PPHLN1: variants seen among roughly 807,000 people sequenced by gnomAD.
PPHLN1 encodes periphilin-1.
Under a neutral mutation model 51.3 loss-of-function variants are expected in PPHLN1, and 29 were observed. The ratio of observed to expected loss-of-function variants is 0.57; its 90% CI spans 0.42 to 0.77. The LOEUF (loss-of-function observed/expected upper bound fraction) is 0.77. Among genes scored for constraint, PPHLN1 ranks in the 30% least tolerant of loss-of-function variants. PPHLN1 has a pLI of 0.00. For synonymous variants in PPHLN1, 147 were observed against 147.8 expected (o/e 0.99, Z 0.04); for missense variants, 436 against 438.4 (o/e 0.99, Z 0.05).
chr12:42,430,481 T>G (rs1249326070), intron 9 of PPHLN1, among the ~76,000 whole-genome samples: 2 of 152,132 alleles, frequency 1.3e-5, no homozygotes, highest in Admixed American at 1.3e-4. Flanking sequence ...TTACATATAC[T>G]ATATTCTTTT....
chr12:42,433,230 T>G, intron 9 of PPHLN1: 1 of 747,518 alleles, frequency 1.3e-6, no homozygotes, highest in Non-Finnish European at 2.5e-6. Flanking sequence ...TGCTCTTGAA[T>G]ATACCTCTAC....
At chr12:42,361,315 T>A (rs2074654283) in intron 4 of PPHLN1, 1 of 152,196 alleles carries the variant, frequency 6.6e-6, no homozygotes, top group Non-Finnish European at 1.5e-5. Context: ...TCCAGAACTA[T>A]GAGAAATATA....
At chr12:42,412,735 C>G (rs1156880286) in intron 9 of PPHLN1, among the ~76,000 whole-genome samples, 3 of 152,154 alleles carry the variant, frequency 2.0e-5, no homozygotes, top group African/African-American at 7.2e-5. Flanking sequence ...AATTTACATT[C>G]CCACCAGCTG....
intron 7 of PPHLN1, among the ~76,000 whole-genome samples, chr12:42,389,353 C>T (rs1376769489): frequency 6.7e-6 from 1 of 148,704 alleles, no homozygotes; most frequent in Non-Finnish European, 1.5e-5. Context: ...AGCCTGGTAA[C>T]AGAGTGAGAC....
At chr12:42,396,351 A>G (rs904557553) in intron 8 of PPHLN1, among the ~76,000 whole-genome samples, 3 of 152,120 alleles carry the variant, frequency 2.0e-5, no homozygotes, top group African/African-American at 7.2e-5. Flanking sequence ...AATTCACTAA[A>G]TATGCATTGT....
chr12:42,417,156 G>A (rs1467728435), intron 9 of PPHLN1, among the ~76,000 whole-genome samples: 1 of 152,170 alleles, frequency 6.6e-6, no homozygotes, highest in African/African-American at 2.4e-5. Context: ...AAAACTTAGC[G>A]ACCGATTTGT....
intron 2 of PPHLN1, among the ~76,000 whole-genome samples, chr12:42,348,208 T>C (rs1222398688): frequency 1.3e-5 from 2 of 151,662 alleles, no homozygotes; most frequent in African/African-American, 4.9e-5. Flanking sequence ...CCTCCTGGGT[T>C]CAAGCGATTC....
At chr12:42,352,459 G>A (rs1188827791) in intron 3 of PPHLN1, among the ~76,000 whole-genome samples, 1 of 151,032 alleles carries the variant, frequency 6.6e-6, no homozygotes, top group Non-Finnish European at 1.5e-5. Context: ...CCCCAGGTTG[G>A]GGTGCAGTGG....
At chr12:42,388,961 G>A (rs914073466) in intron 7 of PPHLN1, among the ~76,000 whole-genome samples, 10 of 151,916 alleles carry the variant, frequency 6.6e-5, no homozygotes, top group East Asian at 1.9e-4. Context: ...AAAACAGGCC[G>A]GGCATGGTGG....
intron 5 of PPHLN1, among the ~76,000 whole-genome samples, chr12:42,379,600 T>G (rs897377731): frequency 6.6e-6 from 1 of 152,026 alleles, no homozygotes; most frequent in African/African-American, 2.4e-5. Context: ...CACATTTCAT[T>G]ACTGGATTGT....
At chr12:42,416,278 G>A (rs1249570488) in intron 9 of PPHLN1, among the ~76,000 whole-genome samples, 3 of 152,130 alleles carry the variant, frequency 2.0e-5, no homozygotes, top group South Asian at 4.1e-4. Context: ...ATTTACTGTG[G>A]TAAATTAGAA....
chr12:42,361,762 T>G (rs1176783931), intron 4 of PPHLN1: 1 of 152,248 alleles, frequency 6.6e-6, no homozygotes, highest in Non-Finnish European at 1.5e-5. Context: ...TAGAATTAAT[T>G]TAATTCTGGT....
chr12:42,359,315 T>C (rs1222578755), intron 4 of PPHLN1: 1 of 152,242 alleles, frequency 6.6e-6, no homozygotes, highest in East Asian at 1.9e-4. Flanking sequence ...TCTTGTGGTA[T>C]CTAATATGTC....
intron 6 of PPHLN1, among the ~76,000 whole-genome samples, chr12:42,385,564 T>C (rs2077126593): frequency 6.6e-6 from 1 of 152,192 alleles, no homozygotes; most frequent in Non-Finnish European, 1.5e-5. Context: ...CAACAGCTGC[T>C]TGTGACAGGT....
At chr12:42,380,027 T>C (rs1178858720) in intron 5 of PPHLN1, among the ~76,000 whole-genome samples, 1 of 152,066 alleles carries the variant, frequency 6.6e-6, no homozygotes, top group Non-Finnish European at 1.5e-5. Flanking sequence ...CACTTGAGAA[T>C]CTCAAGGAAG....
chr12:42,370,978 G>C (rs774026400), intron 4 of PPHLN1, among the ~76,000 whole-genome samples: 18 of 151,984 alleles, frequency 1.2e-4, no homozygotes, highest in Admixed American at 5.2e-4. Flanking sequence ...GCTAATTTTT[G>C]TATTTTTAAT....
At chr12:42,351,317 C>T (rs1221243719) in intron 2 of PPHLN1, 1 of 152,178 alleles carries the variant, frequency 6.6e-6, no homozygotes, top group Non-Finnish European at 1.5e-5. Flanking sequence ...CAAGGTATTC[C>T]AGTACTTTGA....
At chr12:42,327,697 C>T (rs1415433475) in intron 1 of PPHLN1, among the ~76,000 whole-genome samples, 4 of 152,202 alleles carry the variant, frequency 2.6e-5, no homozygotes, top group African/African-American at 9.7e-5. Context: ...CCCTACTAAG[C>T]GAGACTGTCG....
intron 5 of PPHLN1, 81 bp from the exon 6 acceptor site, chr12:42,384,859 C>G (rs1013588851): frequency 1.5e-5 from 21 of 1,370,684 alleles, no homozygotes; most frequent in Non-Finnish European, 2.0e-5. Flanking sequence ...GTTCTCATCA[C>G]TCCTACTTCT....
Sources: gnomAD v4.1 joint callset for allele counts (sites outside exome capture counted in the v4.1 genomes callset) on GRCh38, gnomAD v4.1.1 for gene constraint, MANE v1.5 for transcripts, NCBI Gene and HGNC (gene_info 2026-07-23, HGNC 2026-07-21) for gene names.